The following ADGB variants were observed in gnomAD, a reference collection of about 807,000 sequenced individuals.
ADGB encodes the protein calpain-7-like protein.
In ADGB, 172 loss-of-function variants were observed where a neutral mutation model predicts 210.5. The observed-to-expected ratio is 0.82, with a 90% CI of 0.72 to 0.93. ADGB has a LOEUF of 0.93. Among genes scored for constraint, ADGB ranks in the 40% least tolerant of loss-of-function variants. The pLI, the probability that ADGB is intolerant of heterozygous loss-of-function variation, is 0.00. For synonymous variants in ADGB, 658 were observed against 662.7 expected, an observed-to-expected ratio of 0.99 and a Z score of 0.11; for missense variants, 2,025 against 1,964.8, an observed-to-expected ratio of 1.03 and a Z score of -0.58.
chr6:146,670,976 G>A (rs1454687833), intron 7 of ADGB, among the ~76,000 whole-genome samples: 1 of 152,146 alleles, frequency 6.6e-6, no homozygotes, highest in African/African-American at 2.4e-5. Flanking sequence ...TTGAGGTGGG[G>A]AATCCAACTC....
chr6:146,745,823 T>C (rs1291109534), intron 25 of ADGB, 99 bp from the exon 26 acceptor site: 1 of 867,202 alleles, frequency 1.2e-6, no homozygotes, highest in Non-Finnish European at 1.7e-6. Flanking sequence ...GACCTGTAGG[T>C]ATATCATAAT....
At position 146,740,562 on chromosome 6, in the gene ADGB, C is replaced by G; in HGVS notation, c.2992C>G (p.Gln998Glu). 6.4e-7 allele frequency: 1 copy of G among 1,550,780 alleles called. No individual in the cohort carries two copies. Among genetic ancestry groups the G allele is most frequent in the Non-Finnish European group, 8.7e-7 (1 of 1,146,536 alleles). ...AGATTATACTGTGACTTATCAAGAACAGCCACCAAATTCTTGGTTTATAGT... is the reference window on the plus strand; with the variant it reads ...AGATTATACTGTGACTTATCAAGAAGAGCCACCAAATTCTTGGTTTATAGT... ...FADYTVTYQE[Q>E]PPNSWFIVFR... Residue 998 changes from glutamine (Q) to glutamate (E), a missense_variant, in exon 24 of 36, where the codon CAG becomes GAG. Transcript: ENST00000397944.
At chr6:146,667,493 G>A (rs1480644185) in intron 7 of ADGB, among the ~76,000 whole-genome samples, 1 of 152,000 alleles carries the variant, frequency 6.6e-6, no homozygotes, top group African/African-American at 2.4e-5. Context: ...GGAAAACAGA[G>A]TTTCTGTGTA....
chr6:146,685,650 AGGCAATTGAACAATCTGGAGTG>A, intron 9 of ADGB, 62 bp from the exon 10 acceptor site: 1 of 620,866 alleles, frequency 1.6e-6, no homozygotes, highest in Non-Finnish European at 2.5e-6. Context: ...AAATTCATTA[AGGCAATTGAACAATCTGGAGTG>A]AGCAACTGAC....
intron 11 of ADGB, among the ~76,000 whole-genome samples, 167 bp from the exon 12 acceptor site, chr6:146,692,658 C>A (rs1776346158): frequency 6.6e-6 from 1 of 152,152 alleles, no homozygotes; most frequent in African/African-American, 2.4e-5. Context: ...TCTATAAACT[C>A]TTTCAATAAA....
chr6:146,638,624 G>A (rs1476968695), intron 2 of ADGB, among the ~76,000 whole-genome samples: 1 of 128,938 alleles, frequency 7.8e-6, no homozygotes, highest in Non-Finnish European at 1.7e-5. Context: ...GGGGGGGGGA[G>A]GGATAGCATT....
chr6:146,723,053 AT>A (rs547175497), intron 17 of ADGB, among the ~76,000 whole-genome samples: 1 of 152,094 alleles, frequency 6.6e-6, no homozygotes, highest in African/African-American at 2.4e-5. Flanking sequence ...CAGGGCAGGG[AT>A]TTTTTTTAAA....
chr6:146,662,717 T>C (rs1215892760), intron 5 of ADGB, among the ~76,000 whole-genome samples: 3 of 151,836 alleles, frequency 2.0e-5, no homozygotes, highest in Non-Finnish European at 4.4e-5. Context: ...TAGTGTTATG[T>C]TTTACAACTC....
chr6:146,757,219 T>A (rs1005965145), intron 27 of ADGB, among the ~76,000 whole-genome samples: 2 of 152,080 alleles, frequency 1.3e-5, no homozygotes, highest in African/African-American at 4.8e-5. Context: ...ATAAATTATA[T>A]AAATATTTTC....
intron 29 of ADGB, among the ~76,000 whole-genome samples, chr6:146,775,755 C>T (rs1398485718): frequency 6.6e-6 from 1 of 151,932 alleles, no homozygotes; most frequent in Non-Finnish European, 1.5e-5. Flanking sequence ...TGGCACAATG[C>T]ATGGTGTAGC....
rs2114665986 is a variant in ADGB, at chr6:146,801,966, G to T, written c.4773G>T (p.Arg1591=). Residue 1591 remains arginine (R), a synonymous_variant, in exon 35 of 36, where the codon CGG becomes CGT. Coordinates refer to ENST00000397944, the MANE Select transcript of ADGB (RefSeq NM_024694.4). ...TTCGAAACATTGACCAAGAAGAGCG[G>T]TTGAAGTTAAAGGATGAAGTCCTGG... ...LSIRNIDQEE[R]LKLKDEVLDM... The T allele has an allele frequency of 6.5e-7, 1 of 1,550,112 alleles. No homozygotes were observed. Among genetic ancestry groups the T allele is most frequent in the Non-Finnish European group, 8.7e-7 (1 of 1,146,392 alleles).
intron 1 of ADGB, among the ~76,000 whole-genome samples, chr6:146,613,448 A>G (rs1780741019): frequency 6.6e-6 from 1 of 152,208 alleles, no homozygotes; most frequent in African/African-American, 2.4e-5. Context: ...TGCTGGCTGC[A>G]CATTGCATGA....
intron 8 of ADGB, among the ~76,000 whole-genome samples, chr6:146,675,889 T>C (rs2114906747): frequency 6.6e-6 from 1 of 152,282 alleles, no homozygotes; most frequent in East Asian, 1.9e-4. Context: ...GAAAACTGTG[T>C]TTCCTGTAAG....
Position 146,635,373 on chromosome 6 carries a change from A to G in ADGB, c.75-2A>G. The G allele has an allele frequency of 1.3e-6, 2 of 1,497,540 alleles. No homozygotes were observed. Among genetic ancestry groups the G allele is most frequent in the Non-Finnish European group, 1.8e-6 (2 of 1,121,354 alleles). 92.8% of individuals were successfully genotyped at this position (1,497,540 alleles called of 1,614,324 possible). On this transcript the variant is annotated splice_acceptor_variant, in intron 1 of 35. Coordinates refer to ENST00000397944, the MANE Select transcript of ADGB (RefSeq NM_024694.4). LOFTEE classifies it high-confidence loss of function. ...ACCCACCCACTCTCTGTCTCTGTCTAGTTTCTATCCTTTTGGCAGTAATGT... is the reference window on the plus strand; with the variant it reads ...ACCCACCCACTCTCTGTCTCTGTCTGGTTTCTATCCTTTTGGCAGTAATGT...
rs140781192 is a variant in ADGB, at chr6:146,706,697, G to C, written c.1707+5627G>C. On this transcript the variant is annotated intron_variant, in intron 13 of 35. Coordinates refer to ENST00000397944, the MANE Select transcript of ADGB (RefSeq NM_024694.4). ...GGTTGTCATATAATTATACATAGTA[G>C]ATTCTTAGGATTCTTTGTATTTCTG... Among the ~76,000 whole-genome samples, 77 of 152,046 alleles carry C rather than the reference G, an allele frequency of 5.1e-4. No homozygotes were observed. The East Asian group carries it at 7.0e-3, about 14-fold the overall frequency.
At chr6:146,638,276 T>G (rs1180845527) in intron 2 of ADGB, among the ~76,000 whole-genome samples, 1 of 152,026 alleles carries the variant, frequency 6.6e-6, no homozygotes, top group African/African-American at 2.4e-5. Flanking sequence ...TCTTTGAAGC[T>G]GATGCAAATC....
At chr6:146,673,828 T>C (rs1273935712) in intron 8 of ADGB, among the ~76,000 whole-genome samples, 1 of 152,164 alleles carries the variant, frequency 6.6e-6, no homozygotes, top group Non-Finnish European at 1.5e-5. Context: ...ACTCCTAGGC[T>C]GGTGATATAC....
At chr6:146,738,760 A>G (rs1016231468) in intron 23 of ADGB, among the ~76,000 whole-genome samples, 3 of 152,104 alleles carry the variant, frequency 2.0e-5, no homozygotes, top group South Asian at 4.1e-4. Context: ...GCCCGGCCGA[A>G]TCCCATTTCA....
chr6:146,745,702 A>C (rs1397501552), intron 25 of ADGB, among the ~76,000 whole-genome samples: 2 of 152,202 alleles, frequency 1.3e-5, no homozygotes, highest in Non-Finnish European at 2.9e-5. Context: ...GGAACCACAC[A>C]AAGGAAAATA....
Sources: allele counts gnomAD v4.1 joint callset (sites outside exome capture counted in the v4.1 genomes callset), GRCh38; gene constraint gnomAD v4.1.1; transcripts MANE v1.5; gene names NCBI Gene and HGNC (gene_info 2026-07-23, HGNC 2026-07-21).